Variants in GFRA1 observed in about 807,000 individuals in gnomAD.
GFRA1 encodes GDNF family receptor alpha-1.
Under a neutral mutation model 51.6 loss-of-function variants are expected in GFRA1, and 16 were observed. The ratio of observed to expected loss-of-function variants is 0.31; its 90% CI spans 0.21 to 0.47. The LOEUF is 0.47. Among genes scored for constraint, GFRA1 ranks in the 20% least tolerant of loss-of-function variants. The pLI, the probability that GFRA1 is intolerant of heterozygous loss-of-function variation, is 1.00. For synonymous variants in GFRA1, 270 were observed against 241.3 expected, an observed-to-expected ratio of 1.12 and a Z score of -1.10; for missense variants, 530 against 594.3, an observed-to-expected ratio of 0.89 and a Z score of 1.13.
chr10:116,096,678 A>C lies in GFRA1; in HGVS notation c.857T>G (p.Leu286Arg). ...ACCAATAAGCCCCGAGTAGGCGAGG[A>C]GGCAGTCAGCGTAGTTTTCCTTTAG... Reference protein sequence around the residue: ...SCLKENYADCLLAYSGLIGTV... With the variant: ...SCLKENYADCRLAYSGLIGTV... The change falls in exon 7 of 11, where the codon CTC becomes CGC. Residue 286 changes from leucine to arginine, a missense_variant. By Grantham distance (102) the Leu-to-Arg change is moderately radical. Coordinates refer to ENST00000355422, the MANE Select transcript of GFRA1 (RefSeq NM_005264.8). The C allele has an allele frequency of 6.2e-7, 1 of 1,603,600 alleles. No individual in the cohort carries two copies. Among genetic ancestry groups the C allele is most frequent in the East Asian group, 2.2e-5 (1 of 44,808 alleles).
intron 5 of GFRA1, among the ~76,000 whole-genome samples, chr10:116,144,757 A>G (rs777151668): frequency 6.6e-6 from 1 of 152,222 alleles, no homozygotes; most frequent in Non-Finnish European, 1.5e-5. Context: ...AGAAGAAAAC[A>G]TAGGAGATTA....
chr10:116,243,007 CTTG>C (rs2134642804), intron 4 of GFRA1, among the ~76,000 whole-genome samples: 1 of 152,312 alleles, frequency 6.6e-6, no homozygotes, highest in African/African-American at 2.4e-5. Flanking sequence ...CCAAATATCA[CTTG>C]TTTTCAGCTT....
chr10:116,076,332 G>A (rs984343398), intron 9 of GFRA1, among the ~76,000 whole-genome samples: 3 of 151,996 alleles, frequency 2.0e-5, no homozygotes, highest in Non-Finnish European at 2.9e-5. Context: ...TGGCAGGCAC[G>A]GACAGCCTTA....
intron 4 of GFRA1, among the ~76,000 whole-genome samples, chr10:116,265,686 G>C (rs1051537613): frequency 6.6e-6 from 1 of 152,142 alleles, no homozygotes; most frequent in East Asian, 1.9e-4. Flanking sequence ...AGTGCATTGC[G>C]CACGGTGGCT....
At chr10:116,260,736 G>T (rs189397101) in intron 4 of GFRA1, among the ~76,000 whole-genome samples, 1 of 152,126 alleles carries the variant, frequency 6.6e-6, no homozygotes, top group East Asian at 1.9e-4. Flanking sequence ...GACCCTCTTA[G>T]AACATTAATT....
At chr10:116,258,861 TA>T (rs765925266) in intron 4 of GFRA1, among the ~76,000 whole-genome samples, 33 of 152,250 alleles carry the variant, frequency 2.2e-4, no homozygotes, top group Non-Finnish European at 4.1e-4. Context: ...TTATTATTTT[TA>T]CTTCTCTTTA....
At chr10:116,128,091 T>A (rs1462897939) in intron 5 of GFRA1, among the ~76,000 whole-genome samples, 1 of 152,182 alleles carries the variant, frequency 6.6e-6, no homozygotes, top group East Asian at 1.9e-4. Context: ...AGTCAATACA[T>A]GGCACTCAGT....
At chr10:116,234,592 T>C (rs1162192284) in intron 4 of GFRA1, among the ~76,000 whole-genome samples, 1 of 152,248 alleles carries the variant, frequency 6.6e-6, no homozygotes, top group Non-Finnish European at 1.5e-5. Flanking sequence ...ACATTTGGCC[T>C]CTTAATGTTT....
intron 5 of GFRA1, among the ~76,000 whole-genome samples, chr10:116,195,872 T>A (rs1386928356): frequency 1.3e-5 from 2 of 152,144 alleles, no homozygotes. Context: ...CCCGTTTGAT[T>A]TGGGGTGGGT....
intron 9 of GFRA1, among the ~76,000 whole-genome samples, chr10:116,077,104 G>A (rs1173546261): frequency 1.3e-5 from 2 of 152,102 alleles, no homozygotes; most frequent in African/African-American, 4.8e-5. Context: ...GTGATCAAGA[G>A]GCCATCTGTA....
intron 4 of GFRA1, among the ~76,000 whole-genome samples, chr10:116,259,176 G>A (rs994790443): frequency 7.9e-5 from 12 of 152,104 alleles, no homozygotes; most frequent in Admixed American, 3.3e-4. Flanking sequence ...TACACAAAAC[G>A]ATCATGTGCA....
chr10:116,238,828 C>CA (rs954912600), intron 4 of GFRA1, among the ~76,000 whole-genome samples: 13 of 151,850 alleles, frequency 8.6e-5, no homozygotes, highest in East Asian at 3.9e-4. Flanking sequence ...GCTACAATGC[C>CA]AAAAAAAATC....
At chr10:116,154,015 A>G (rs74966665) in intron 5 of GFRA1, among the ~76,000 whole-genome samples, 3,011 of 152,326 alleles carry the variant, frequency 0.02, 44 homozygotes, top group Middle Eastern at 0.058. Flanking sequence ...TCATTACATC[A>G]GGGAAATGTA....
chr10:116,203,847 T>G (rs1964525266), intron 5 of GFRA1, among the ~76,000 whole-genome samples: 2 of 152,222 alleles, frequency 1.3e-5, no homozygotes, highest in African/African-American at 4.8e-5. Flanking sequence ...TCTGTTGTTT[T>G]GTCGCTGGCT....
intron 9 of GFRA1, among the ~76,000 whole-genome samples, chr10:116,079,209 A>G (rs1309270938): frequency 6.6e-6 from 1 of 152,050 alleles, no homozygotes; most frequent in Non-Finnish European, 1.5e-5. Flanking sequence ...CTGGGAACCC[A>G]ATCTGCCCAC....
intron 6 of GFRA1, 151 bp downstream of exon 6, chr10:116,125,070 G>A (rs1295026371): frequency 1.8e-5 from 13 of 712,968 alleles, no homozygotes; most frequent in Non-Finnish European, 3.0e-5. Context: ...CAGACACAGA[G>A]GTCAGATTTT....
At chr10:116,243,496 A>G (rs985797953) in intron 4 of GFRA1, among the ~76,000 whole-genome samples, 5 of 141,048 alleles carry the variant, frequency 3.5e-5, no homozygotes, top group African/African-American at 1.3e-4. Context: ...CTGCCCCCCA[A>G]AAAAGAGAAA....
chr10:116,195,822 C>T (rs1963691808), intron 5 of GFRA1, among the ~76,000 whole-genome samples: 1 of 152,178 alleles, frequency 6.6e-6, no homozygotes, highest in African/African-American at 2.4e-5. Context: ...TTCAGTGAAA[C>T]CTAAGAACAG....
rs186640882 is a variant in GFRA1, at chr10:116,233,928, T to C, written c.419-22283A>G. ...AGACTCTGTCATTTACTATAATTGA[T>C]GCTTCTTGCCAGGGATATCGGGAAC... On this transcript the variant is annotated intron_variant, in intron 4 of 10. Transcript: ENST00000355422. Among the ~76,000 whole-genome samples the C allele has an allele frequency of 1.6e-3, 250 of 152,366 alleles. 1 individual carries two copies. Among genetic ancestry groups the C allele is most frequent in the African/African-American group, 5.8e-3 (241 of 41,582 alleles).
Sources: allele counts gnomAD v4.1 joint callset (sites outside exome capture counted in the v4.1 genomes callset), GRCh38; gene constraint gnomAD v4.1.1; transcripts MANE v1.5; gene names NCBI Gene and HGNC (gene_info 2026-07-23, HGNC 2026-07-21).